The following STPG2 variants were observed in gnomAD, a reference collection of about 807,000 sequenced individuals.
STPG2 encodes the protein sperm-tail PG-rich repeat-containing protein 2.
Under a neutral mutation model 54.2 loss-of-function variants are expected in STPG2, and 56 were observed. The ratio of observed to expected loss-of-function variants is 1.03; its 90% CI spans 0.83 to 1.29. The LOEUF is 1.29. Ranked by LOEUF, STPG2 falls within the 50% of genes most tolerant of loss-of-function variation. STPG2 has a pLI of 0.00. For synonymous variants in STPG2, 200 were observed against 181.8 expected (o/e 1.10, Z -0.81); for missense variants, 596 against 544.9 (o/e 1.09, Z -0.93).
chr4:97,954,249 A>C (rs2149242728), intron 7 of STPG2, among the ~76,000 whole-genome samples: 1 of 152,340 alleles, frequency 6.6e-6, no homozygotes, highest in Non-Finnish European at 1.5e-5. Context: ...GAGTTGTAGA[A>C]GTACCATAGA....
At chr4:98,062,736 G>GT (rs1227330914) in intron 5 of STPG2, among the ~76,000 whole-genome samples, 1 of 151,782 alleles carries the variant, frequency 6.6e-6, no homozygotes, top group Non-Finnish European at 1.5e-5. Flanking sequence ...GAAGATGATG[G>GT]TAACTATATA....
intron 10 of STPG2, among the ~76,000 whole-genome samples, chr4:97,641,561 A>G (rs1721766192): frequency 6.6e-6 from 1 of 151,444 alleles, no homozygotes; most frequent in African/African-American, 2.4e-5. Flanking sequence ...AATTTTAGCT[A>G]ATTTTTGAAT....
At chr4:97,568,631 A>G (rs1463722739) in intron 10 of STPG2, among the ~76,000 whole-genome samples, 1 of 152,134 alleles carries the variant, frequency 6.6e-6, no homozygotes, top group Non-Finnish European at 1.5e-5. Context: ...AGGAGCAAAG[A>G]GCAATAGATA....
chr4:98,097,987 G>GAAA (rs1325952171), intron 5 of STPG2, among the ~76,000 whole-genome samples: 1 of 152,044 alleles, frequency 6.6e-6, no homozygotes, highest in Non-Finnish European at 1.5e-5. Context: ...CCAAAAGATA[G>GAAA]AAAGATATTC....
intron 8 of STPG2, among the ~76,000 whole-genome samples, chr4:97,849,396 C>T (rs1729076992): frequency 6.6e-6 from 1 of 151,822 alleles, no homozygotes; most frequent in Non-Finnish European, 1.5e-5. Flanking sequence ...AAAGCAATGG[C>T]AACAAAAGCC....
chr4:97,828,727 C>T (rs1728344144), intron 9 of STPG2, among the ~76,000 whole-genome samples: 1 of 152,144 alleles, frequency 6.6e-6, no homozygotes, highest in South Asian at 2.1e-4. Flanking sequence ...TCCACCACTG[C>T]TGAGGCTTAA....
intron 9 of STPG2, among the ~76,000 whole-genome samples, chr4:97,726,238 C>T (rs1724621800): frequency 6.6e-6 from 1 of 151,922 alleles, no homozygotes; most frequent in South Asian, 2.1e-4. Flanking sequence ...TATGAGGTGG[C>T]TAAAGTAGTC....
chr4:97,847,883 A>G (rs534439445), intron 8 of STPG2, among the ~76,000 whole-genome samples: 1 of 152,108 alleles, frequency 6.6e-6, no homozygotes, highest in East Asian at 1.9e-4. Flanking sequence ...ATCTATTGTA[A>G]CCTCTCTCAC....
chr4:97,443,217 A>T (rs568549930), intron 4 of STPG2, among the ~76,000 whole-genome samples: 4 of 152,308 alleles, frequency 2.6e-5, no homozygotes, highest in Admixed American at 2.0e-4. Context: ...TCTAAATAGC[A>T]CAAGGCCAAA....
chr4:97,596,812 T>C (rs1733306218), intron 10 of STPG2, among the ~76,000 whole-genome samples: 1 of 151,158 alleles, frequency 6.6e-6, no homozygotes, highest in South Asian at 2.1e-4. Context: ...CACCAAAAAG[T>C]GAGAAAAATC....
intron 8 of STPG2, among the ~76,000 whole-genome samples, chr4:97,865,201 A>C (rs1729721666): frequency 6.6e-6 from 1 of 152,154 alleles, no homozygotes; most frequent in Admixed American, 6.6e-5. Context: ...CATCTGACAA[A>C]GGGCTAATAT....
At chr4:97,818,062 T>C (rs1368815061) in intron 9 of STPG2, among the ~76,000 whole-genome samples, 1 of 151,936 alleles carries the variant, frequency 6.6e-6, no homozygotes, top group Non-Finnish European at 1.5e-5. Context: ...TTTCATTTTA[T>C]ATACTGTTTG....
Position 97,512,655 on chromosome 4 carries a change from G to A in STPG2, c.462+200044C>T, listed in dbSNP as rs571720238. Among the ~76,000 whole-genome samples the A allele has an allele frequency of 2.6e-5, 4 of 152,088 alleles. No homozygotes were observed. The South Asian group carries it at 8.3e-4, about 32-fold the overall frequency. The stretch of plus-strand genomic sequence containing the variant: ...AAAAATAAAGAAAAGATAGGGGTGG[G>A]AGGAAGAAGAAGGAAGGGGGACGAA... On this transcript the variant is annotated intron_variant, in intron 4 of 4. Transcript: ENST00000522676.
chr4:98,129,199 C>CT, intron 2 of STPG2, among the ~76,000 whole-genome samples: 1 of 152,296 alleles, frequency 6.6e-6, no homozygotes, highest in East Asian at 1.9e-4. Flanking sequence ...AGTTATTTAT[C>CT]TTGCTTAGTA....
intron 4 of STPG2, among the ~76,000 whole-genome samples, chr4:97,549,438 C>A (rs1731916158): frequency 6.6e-6 from 1 of 152,014 alleles, no homozygotes; most frequent in African/African-American, 2.4e-5. Flanking sequence ...GCTTTTGAGG[C>A]CTGTAAATAG....
intron 10 of STPG2, among the ~76,000 whole-genome samples, chr4:97,702,447 C>T (rs750688058): frequency 8.5e-5 from 13 of 152,182 alleles, no homozygotes; most frequent in Non-Finnish European, 1.8e-4. Flanking sequence ...GTCAAACCCT[C>T]AACCTCACCT....
At chr4:97,906,722 C>A (rs1429792571) in intron 8 of STPG2, among the ~76,000 whole-genome samples, 1 of 151,798 alleles carries the variant, frequency 6.6e-6, no homozygotes, top group Non-Finnish European at 1.5e-5. Context: ...ATACACAAAT[C>A]AATAAATGTA....
intron 4 of STPG2, among the ~76,000 whole-genome samples, chr4:97,523,035 G>A (rs1029371535): frequency 2.6e-5 from 4 of 151,918 alleles, no homozygotes; most frequent in Admixed American, 2.6e-4. Context: ...TTCCTGAAAG[G>A]AGCCAGCTAG....
At chr4:97,717,883 T>C (rs1012207720) in intron 9 of STPG2, among the ~76,000 whole-genome samples, 3 of 152,252 alleles carry the variant, frequency 2.0e-5, no homozygotes, top group South Asian at 2.1e-4. Context: ...AAATATGAAG[T>C]TGTCTTCGAG....
Sources: gnomAD v4.1 joint callset for allele counts (sites outside exome capture counted in the v4.1 genomes callset) on GRCh38, gnomAD v4.1.1 for gene constraint, MANE v1.5 for transcripts, NCBI Gene and HGNC (gene_info 2026-07-23, HGNC 2026-07-21) for gene names.